Variants in FKBP5 observed in about 807,000 individuals in gnomAD.
FKBP5 encodes FKBP prolyl isomerase 5, also known as peptidyl-prolyl cis-trans isomerase FKBP5.
A neutral mutation model predicts 50.5 loss-of-function variants in FKBP5; 23 were observed. That is an observed-to-expected ratio of 0.46 (90% CI 0.33 to 0.65). The LOEUF is 0.65. Ranked by LOEUF, FKBP5 falls within the 30% of genes least tolerant of loss-of-function variation. The probability of loss-of-function intolerance (pLI) is 0.02; values close to 1 mark genes in which losing one functional copy is unlikely to be tolerated. For missense variants in FKBP5, 411 were observed against 553.1 expected (o/e 0.74, Z 2.58); for synonymous variants, 176 against 190.6 (o/e 0.92, Z 0.63).
chr6:35,589,290 A>G (rs1762741682), intron 7 of FKBP5, among the ~76,000 whole-genome samples: 1 of 151,274 alleles, frequency 6.6e-6, no homozygotes, highest in Non-Finnish European at 1.5e-5. Flanking sequence ...CACCACGTCC[A>G]GCTAATTTTT....
At chr6:35,578,389 G>A (rs2150949955) in intron 9 of FKBP5, among the ~76,000 whole-genome samples, 1 of 152,232 alleles carries the variant, frequency 6.6e-6, no homozygotes, top group East Asian at 1.9e-4. Flanking sequence ...GTGTGGGGAA[G>A]TCTTTTCTAA....
intron 2 of FKBP5, among the ~76,000 whole-genome samples, chr6:35,718,417 G>A (rs973494877): frequency 6.6e-6 from 1 of 152,214 alleles, no homozygotes; most frequent in African/African-American, 2.4e-5. Context: ...AAAGCTTGCA[G>A]GAGGGAACAC....
chr6:35,594,756 C>T (rs917891377), intron 6 of FKBP5, among the ~76,000 whole-genome samples: 10 of 152,164 alleles, frequency 6.6e-5, no homozygotes, highest in African/African-American at 2.4e-4. Context: ...TCTCATATTA[C>T]AGAGAATGCA....
At chr6:35,709,539 T>A (rs1766379812) in intron 2 of FKBP5, among the ~76,000 whole-genome samples, 1 of 152,232 alleles carries the variant, frequency 6.6e-6, no homozygotes, top group South Asian at 2.1e-4. Context: ...AGTGAACTTT[T>A]AAAAATCAGT....
At chr6:35,676,446 T>G (rs1198261314) in intron 1 of FKBP5, among the ~76,000 whole-genome samples, 1 of 152,238 alleles carries the variant, frequency 6.6e-6, no homozygotes, top group East Asian at 1.9e-4. Context: ...CCACTCATTT[T>G]ATAAATAAAG....
intron 2 of FKBP5, among the ~76,000 whole-genome samples, chr6:35,695,658 G>T (rs561823659): frequency 6.6e-6 from 1 of 152,210 alleles, no homozygotes; most frequent in South Asian, 2.1e-4. Context: ...ATTCAGCAAG[G>T]TTGCAGGATA....
intron 1 of FKBP5, among the ~76,000 whole-genome samples, chr6:35,645,103 C>T (rs1438494943): frequency 6.6e-6 from 1 of 152,198 alleles, no homozygotes; most frequent in Admixed American, 6.5e-5. Context: ...AAAAAAAGTG[C>T]TATTACTCTG....
Position 35,684,181 on chromosome 6 carries a change from CT to C in FKBP5, c.-20+4622del, listed in dbSNP as rs1057487502. Among the ~76,000 whole-genome samples the C allele has an allele frequency of 7.9e-3, 1,126 of 143,382 alleles. 1 individual carries two copies. The highest frequency in any genetic ancestry group is 0.012 in the African/African-American group (478 of 39,254). 94.1% of individuals were successfully genotyped at this position (143,382 alleles called of 152,430 possible). On this transcript the variant is annotated intron_variant, in intron 1 of 10. Transcript: ENST00000357266. ...ATTTTCATTTTTCCAGTAATTGTAT[CT>C]TTTTTTTTTTTTTTAAGGCAGGGTC... is the stretch of plus-strand genomic sequence containing the variant.
intron 1 of FKBP5, among the ~76,000 whole-genome samples, chr6:35,728,215 G>T (rs901514729): frequency 1.3e-5 from 2 of 152,190 alleles, no homozygotes; most frequent in African/African-American, 4.8e-5. Context: ...CAGATCAACC[G>T]CTCTTGCAGC....
chr6:35,654,194 T>C (rs1191813481), intron 1 of FKBP5, among the ~76,000 whole-genome samples: 1 of 152,236 alleles, frequency 6.6e-6, no homozygotes, highest in Non-Finnish European at 1.5e-5. Flanking sequence ...TAGATTTTGG[T>C]GGGTACAATC....
chr6:35,692,145 T>A (rs1174815907), upstream of FKBP5, among the ~76,000 whole-genome samples: 5 of 152,216 alleles, frequency 3.3e-5, no homozygotes, highest in Admixed American at 2.0e-4. Context: ...TCTCTTTTTC[T>A]GTCTTCCTTT....
At chr6:35,599,292 A>T (rs1763075760) in intron 5 of FKBP5, among the ~76,000 whole-genome samples, 1 of 152,172 alleles carries the variant, frequency 6.6e-6, no homozygotes, top group African/African-American at 2.4e-5. Flanking sequence ...TGGTAATATC[A>T]CTCTCAATAT....
upstream of FKBP5, among the ~76,000 whole-genome samples, chr6:35,693,163 C>CT (rs71002590): frequency 0.62 from 67,606 of 109,774 alleles, 21,669 homozygotes; most frequent in East Asian, 0.68. Context: ...TTCTCTCTCT[C>CT]TTTTTTTTTT....
At chr6:35,715,870 G>C (rs933212422) in intron 2 of FKBP5, among the ~76,000 whole-genome samples, 1 of 152,184 alleles carries the variant, frequency 6.6e-6, no homozygotes, top group African/African-American at 2.4e-5. Context: ...CCTGAAGATG[G>C]GATCCTTCCA....
At chr6:35,588,525 ATTTT>A (rs756170182) in intron 7 of FKBP5, among the ~76,000 whole-genome samples, 63 of 151,552 alleles carry the variant, frequency 4.2e-4, no homozygotes, top group South Asian at 1.9e-3. Context: ...TCTTTATGGA[ATTTT>A]TTTTTATTTT....
At chr6:35,583,803 T>C in intron 8 of FKBP5, 1 of 985,426 alleles carries the variant, frequency 1.0e-6, no homozygotes, top group Non-Finnish European at 1.2e-6. Flanking sequence ...GGGTGGACTC[T>C]TCTTAGGAAT....
At chr6:35,621,712 G>A (rs1440804196) in intron 3 of FKBP5, among the ~76,000 whole-genome samples, 2 of 151,656 alleles carry the variant, frequency 1.3e-5, no homozygotes, top group African/African-American at 4.8e-5. Flanking sequence ...GCTCGCGCCT[G>A]TAATCCCAGC....
intron 8 of FKBP5, chr6:35,584,335 GGA>G: frequency 1.0e-6 from 1 of 985,418 alleles, no homozygotes; most frequent in Non-Finnish European, 1.2e-6. Flanking sequence ...ATCCTACTCA[GGA>G]GAGAGGCTTT....
chr6:35,727,646 G>A (rs1429606550), intron 1 of FKBP5, among the ~76,000 whole-genome samples: 1 of 152,202 alleles, frequency 6.6e-6, no homozygotes, highest in Admixed American at 6.5e-5. Context: ...TGCTTGAATT[G>A]GCCCCCTCAA....
Sources: allele counts gnomAD v4.1 joint callset (sites outside exome capture counted in the v4.1 genomes callset), GRCh38; gene constraint gnomAD v4.1.1; transcripts MANE v1.5; gene names NCBI Gene and HGNC (gene_info 2026-07-23, HGNC 2026-07-21).